The following MCTP1 variants were observed in gnomAD, a reference collection of about 807,000 sequenced individuals.
The protein encoded by MCTP1 is multiple C2 and transmembrane domain containing 1.
MCTP1 carries 69 observed loss-of-function variants against 120.6 expected under a neutral mutation model. That is an observed-to-expected ratio of 0.57 (90% CI 0.47 to 0.70). MCTP1 has a LOEUF of 0.70. Ranked by LOEUF, MCTP1 falls within the 30% of genes least tolerant of loss-of-function variation. The pLI, the probability that MCTP1 is intolerant of heterozygous loss-of-function variation, is 0.00. For synonymous variants in MCTP1, 529 were observed against 493.1 expected (o/e 1.07, Z -0.96); for missense variants, 1,203 against 1,248.8 (o/e 0.96, Z 0.55).
intron 17 of MCTP1, among the ~76,000 whole-genome samples, chr5:94,829,460 C>A (rs953843511): frequency 5.9e-5 from 9 of 152,146 alleles, no homozygotes; most frequent in African/African-American, 2.2e-4. Flanking sequence ...AAGGCAAAAC[C>A]GCAATTACTT....
At chr5:94,765,172 GAAAAT>G (rs1772294288) in intron 19 of MCTP1, among the ~76,000 whole-genome samples, 1 of 151,812 alleles carries the variant, frequency 6.6e-6, no homozygotes, top group African/African-American at 2.4e-5. Context: ...TCATTAAAAA[GAAAAT>G]AAAAGATTTC....
At chr5:94,742,090 A>G (rs1475154875) in intron 19 of MCTP1, among the ~76,000 whole-genome samples, 3 of 66,628 alleles carry the variant, frequency 4.5e-5, no homozygotes, top group Non-Finnish European at 8.8e-5. Flanking sequence ...CATTAAGGTA[A>G]TAACATTATT....
chr5:95,189,438 G>T (rs1749590287), intron 1 of MCTP1, among the ~76,000 whole-genome samples: 1 of 152,150 alleles, frequency 6.6e-6, no homozygotes, highest in Admixed American at 6.5e-5. Flanking sequence ...TATTGTGTAT[G>T]CAAATTATAC....
At chr5:95,140,693 TAAAAAAAAAAAAAAAAAAAAAAAA>T (rs35248317) in intron 1 of MCTP1, among the ~76,000 whole-genome samples, 1 of 27,596 alleles carries the variant, frequency 3.6e-5, no homozygotes, top group African/African-American at 1.0e-4. Flanking sequence ...CTGTCCCTAC[TAAAAAAAAAAAAAAAAAAAAAAAA>T]AAAAAAAAAA....
intron 1 of MCTP1, among the ~76,000 whole-genome samples, chr5:95,072,665 A>G (rs1212149034): frequency 1.3e-5 from 2 of 152,080 alleles, no homozygotes; most frequent in Non-Finnish European, 2.9e-5. Context: ...AATATTCTCA[A>G]AGTCACAATA....
chr5:94,909,219 G>A lies in MCTP1; in HGVS notation c.1652+32C>T, dbSNP rs772229441. On this transcript the variant is annotated intron_variant, in intron 10 of 22. Coordinates refer to ENST00000515393, the MANE Select transcript of MCTP1 (RefSeq NM_024717.7). ...ATATTCTTTTAATAAAAATGCTCTA[G>A]GAGTGAACCAAAAATTACAAATTGC... 4 of 1,609,458 alleles carry A rather than the reference G, an allele frequency of 2.5e-6. No homozygotes were observed. In the South Asian group the frequency reaches 4.4e-5, roughly 18 times the overall value.
intron 5 of MCTP1, among the ~76,000 whole-genome samples, chr5:94,937,463 C>T (rs1033605269): frequency 6.6e-6 from 1 of 151,926 alleles, no homozygotes; most frequent in African/African-American, 2.4e-5. Context: ...TGAAGAAAAC[C>T]ATATTTTTGA....
intron 10 of MCTP1, among the ~76,000 whole-genome samples, chr5:94,898,338 T>G (rs1304933180): frequency 6.6e-6 from 1 of 152,268 alleles, no homozygotes; most frequent in African/African-American, 2.4e-5. Flanking sequence ...AAATGAAGTG[T>G]CACCTGTAAC....
At chr5:94,891,992 C>G (rs1234892626) in intron 11 of MCTP1, among the ~76,000 whole-genome samples, 1 of 151,812 alleles carries the variant, frequency 6.6e-6, no homozygotes, top group Non-Finnish European at 1.5e-5. Flanking sequence ...GAGAGGAGTC[C>G]TCTTTATTTT....
In MCTP1 at chr5:95,167,825, A is replaced by C. The variant is rs565023806; in HGVS notation, c.720+116031T>G. 5.6e-4 allele frequency among the ~76,000 whole-genome samples: 85 copies of C among 151,838 alleles called. 2 individuals carry two copies. The Middle Eastern group carries it at 0.01, about 18-fold the overall frequency. On this transcript the variant is annotated intron_variant, in intron 1 of 22. Transcript: ENST00000515393. ...TTTGTCAGATGAGTAGATTGGAAAA[A>C]TTTTCTCCCATTCTGTAGGTTGCCT...
intron 1 of MCTP1, among the ~76,000 whole-genome samples, chr5:95,128,788 A>G (rs895999352): frequency 6.6e-6 from 1 of 152,232 alleles, no homozygotes; most frequent in Admixed American, 6.5e-5. Context: ...TGAATATACT[A>G]AAAGGCAAGA....
chr5:94,946,813 T>C lies in MCTP1; in HGVS notation c.982-4386A>G, dbSNP rs1277964601. Among the ~76,000 whole-genome samples the C allele has an allele frequency of 2.6e-5, 4 of 152,202 alleles. No homozygotes were observed. In the East Asian group the frequency reaches 7.7e-4, roughly 29 times the overall value. On this transcript the variant is annotated intron_variant, in intron 3 of 22. Coordinates refer to ENST00000515393, the MANE Select transcript of MCTP1 (RefSeq NM_024717.7). ...TCAGGTCTTGCTTTGACCACCCACG[T>C]GGACATTCCCTTAAATCCATGTTCG... is the stretch of plus-strand genomic sequence containing the variant.
At chr5:94,971,723 T>C (rs1361123808) in intron 2 of MCTP1, among the ~76,000 whole-genome samples, 4 of 152,278 alleles carry the variant, frequency 2.6e-5, no homozygotes, top group Middle Eastern at 3.4e-3. Context: ...CGAAGGAGAC[T>C]TGAGTTCCAA....
intron 19 of MCTP1, among the ~76,000 whole-genome samples, chr5:94,732,139 C>T (rs1249766012): frequency 6.6e-6 from 1 of 152,120 alleles, no homozygotes; most frequent in African/African-American, 2.4e-5. Flanking sequence ...TTGCTACATT[C>T]CACAAAGGAT....
chr5:94,868,260 T>C, intron 17 of MCTP1, 73 bp downstream of exon 17: 1 of 1,401,428 alleles, frequency 7.1e-7, no homozygotes, highest in Non-Finnish European at 9.4e-7. Flanking sequence ...ACTGTTACTA[T>C]AGCCACAGAA....
At chr5:95,016,361 A>G (rs1301730733) in intron 2 of MCTP1, among the ~76,000 whole-genome samples, 1 of 152,070 alleles carries the variant, frequency 6.6e-6, no homozygotes, top group Non-Finnish European at 1.5e-5. Context: ...ATTGAATCTA[A>G]TATTTGCACA....
chr5:95,116,965 T>C (rs1454552801), intron 1 of MCTP1, among the ~76,000 whole-genome samples: 1 of 152,140 alleles, frequency 6.6e-6, no homozygotes, highest in Non-Finnish European at 1.5e-5. Context: ...AGATAAAGTA[T>C]GGAGAAAATT....
At chr5:94,809,499 G>A (rs1783009543) in intron 17 of MCTP1, among the ~76,000 whole-genome samples, 1 of 152,106 alleles carries the variant, frequency 6.6e-6, no homozygotes, top group Non-Finnish European at 1.5e-5. Context: ...GATGCCTGGA[G>A]AATGTTGATT....
intron 17 of MCTP1, chr5:94,867,709 T>C (rs964722721): frequency 8.1e-6 from 2 of 247,684 alleles, no homozygotes; most frequent in African/African-American, 4.5e-5. Flanking sequence ...CTCTGCCAGT[T>C]GGTCTCATCA....
Sources: allele counts gnomAD v4.1 joint callset (sites outside exome capture counted in the v4.1 genomes callset), GRCh38; gene constraint gnomAD v4.1.1; transcripts MANE v1.5; gene names NCBI Gene and HGNC (gene_info 2026-07-23, HGNC 2026-07-21).